STAMBPL1: variants seen among roughly 807,000 people sequenced by gnomAD.
The protein encoded by STAMBPL1 is STAM binding protein like 1, also known as AMSH-like protease.
In STAMBPL1, 44 loss-of-function variants were observed where a neutral mutation model predicts 52.9. The observed-to-expected ratio is 0.83, with a 90% CI of 0.65 to 1.07. STAMBPL1 has a LOEUF of 1.07. Ranked by LOEUF, STAMBPL1 falls within the 50% of genes least tolerant of loss-of-function variation. The pLI is 0.00. For synonymous variants in STAMBPL1, 164 were observed against 177.3 expected (o/e 0.92, Z 0.60); for missense variants, 511 against 520.8 (o/e 0.98, Z 0.18).
chr10:88,894,402 C>T (rs1366726118), intron 1 of STAMBPL1, among the ~76,000 whole-genome samples: 1 of 151,890 alleles, frequency 6.6e-6, no homozygotes. Flanking sequence ...CTATTGAAGG[C>T]GACATAGTAC....
intron 3 of STAMBPL1, 102 bp downstream of exon 3, chr10:88,905,762 C>A: frequency 1.2e-6 from 1 of 867,604 alleles, no homozygotes; most frequent in Non-Finnish European, 1.8e-6. Flanking sequence ...CATATTCAGA[C>A]CAATTGCACA....
At chr10:88,921,617 T>C (rs1845514270) in intron 9 of STAMBPL1, among the ~76,000 whole-genome samples, 1 of 152,206 alleles carries the variant, frequency 6.6e-6, no homozygotes, top group African/African-American at 2.4e-5. Flanking sequence ...AGCGTGACTT[T>C]GAAGTGAATA....
intron 1 of STAMBPL1, chr10:88,893,975 T>TA (rs1386717543): frequency 6.6e-6 from 1 of 152,098 alleles, no homozygotes; most frequent in African/African-American, 2.4e-5. Flanking sequence ...CCTGTGCACT[T>TA]AGAGTCCCTG....
intron 8 of STAMBPL1, among the ~76,000 whole-genome samples, chr10:88,919,771 G>A (rs942033895): frequency 1.3e-5 from 2 of 150,884 alleles, no homozygotes; most frequent in African/African-American, 4.9e-5. Flanking sequence ...TGCAGAACAT[G>A]TACCTTTCTG....
intron 1 of STAMBPL1, among the ~76,000 whole-genome samples, chr10:88,891,632 A>T (rs796430933): frequency 3.3e-5 from 5 of 152,358 alleles, no homozygotes; most frequent in African/African-American, 1.2e-4. Flanking sequence ...CTCCTGATAC[A>T]TCATGGAGGA....
intron 7 of STAMBPL1, among the ~76,000 whole-genome samples, chr10:88,916,127 T>C (rs1262460607): frequency 2.0e-5 from 3 of 152,104 alleles, no homozygotes; most frequent in Non-Finnish European, 4.4e-5. Context: ...TCCAAAACAT[T>C]ATCTTAATTA....
Position 88,905,663 on chromosome 10 carries a change from A to G in STAMBPL1, c.248+3A>G. The G allele has an allele frequency of 6.2e-7, 1 of 1,608,096 alleles. No individual in the cohort carries two copies. Among genetic ancestry groups the G allele is most frequent in the Non-Finnish European group, 8.5e-7 (1 of 1,175,166 alleles). On this transcript the variant is annotated splice_donor_region_variant and intron_variant, in intron 3 of 10. Coordinates refer to ENST00000371926, the MANE Select transcript of STAMBPL1 (RefSeq NM_020799.4). ...GTTCTTTATAATAAATTTATAACGT[A>G]AGTGTTTTAAAGGCCTCTGAAGTGA...
chr10:88,915,410 T>G (rs1845343995), intron 7 of STAMBPL1, among the ~76,000 whole-genome samples: 1 of 152,202 alleles, frequency 6.6e-6, no homozygotes, highest in Non-Finnish European at 1.5e-5. Flanking sequence ...CCTGCTGCAT[T>G]CCAGTGTTTT....
chr10:88,921,396 G>T lies in STAMBPL1; in HGVS notation c.1154+1G>T. 1.2e-6 allele frequency: 2 copies of T among 1,611,094 alleles called. No individual in the cohort carries two copies. Among genetic ancestry groups the T allele is most frequent in the South Asian group, 2.2e-5 (2 of 91,002 alleles). On this transcript the variant is annotated splice_donor_variant, in intron 9 of 10. Coordinates refer to ENST00000371926, the MANE Select transcript of STAMBPL1 (RefSeq NM_020799.4). LOFTEE classifies it high-confidence loss of function. ...TTGTTTGCTCACCAAAGCATAAAGA[G>T]TAAGTGTAACTCTTCAGGGGAGACC...
intron 3 of STAMBPL1, 93 bp from the exon 4 acceptor site, chr10:88,908,609 C>T: frequency 9.6e-7 from 1 of 1,043,382 alleles, no homozygotes; most frequent in Non-Finnish European, 1.4e-6. Context: ...TTAAACATGT[C>T]ATTTTTGAAA....
intron 8 of STAMBPL1, among the ~76,000 whole-genome samples, chr10:88,917,127 C>T (rs932531184): frequency 6.6e-6 from 1 of 152,000 alleles, no homozygotes; most frequent in African/African-American, 2.4e-5. Flanking sequence ...AGAAAGAAAG[C>T]GAGTAACATT....
intron 5 of STAMBPL1, 194 bp from the exon 6 acceptor site, chr10:88,912,907 A>G (rs1845262969): frequency 3.4e-6 from 2 of 579,830 alleles, no homozygotes; most frequent in South Asian, 4.7e-5. Context: ...TGGATTTAGA[A>G]CTGCTATGTT....
intron 9 of STAMBPL1, 142 bp from the exon 10 acceptor site, chr10:88,922,192 TAAA>T: frequency 2.8e-6 from 2 of 721,508 alleles, no homozygotes; most frequent in Non-Finnish European, 4.4e-6. Context: ...GTCATTGGTT[TAAA>T]AAAAAAATCA....
chr10:88,880,615 G>C lies in STAMBPL1; in HGVS notation c.-77G>C, dbSNP rs781665725. ...GCCGTCGCAGTCGCCGTCCCACACG[G>C]GCTGCGGACACCAAGGGTTGCTAGT... On this transcript the variant is annotated 5_prime_UTR_variant, in exon 1 of 11. Transcript: ENST00000371926. 6.6e-6 allele frequency: 1 copy of C among 152,240 alleles called. No homozygotes were observed. Among genetic ancestry groups the C allele is most frequent in the Non-Finnish European group, 1.5e-5 (1 of 68,038 alleles). 9.4% of individuals were successfully genotyped at this position (152,240 alleles called of 1,614,324 possible).
At chr10:88,915,543 G>A (rs1845346778) in intron 7 of STAMBPL1, among the ~76,000 whole-genome samples, 1 of 152,156 alleles carries the variant, frequency 6.6e-6, no homozygotes, top group African/African-American at 2.4e-5. Context: ...CCCCCACATC[G>A]TGTTGTATTC....
intron 9 of STAMBPL1, 68 bp from the exon 10 acceptor site, chr10:88,922,269 C>G: frequency 7.0e-7 from 1 of 1,429,348 alleles, no homozygotes; most frequent in East Asian, 2.3e-5. Context: ...GTGTGCTGTT[C>G]AAATAAAGCA....
intron 8 of STAMBPL1, among the ~76,000 whole-genome samples, chr10:88,918,539 A>G (rs2133212509): frequency 6.6e-6 from 1 of 152,308 alleles, no homozygotes; most frequent in Non-Finnish European, 1.5e-5. Flanking sequence ...TTTGAAAAGT[A>G]TAAACTGCCT....
At position 88,905,612 on chromosome 10, in the gene STAMBPL1, A is replaced by T. The variant is rs1845053922; in HGVS notation, c.200A>T (p.Glu67Val). Residue 67 changes from glutamate to valine, a missense_variant, in exon 3 of 11, where the codon GAA becomes GTA. This residue lies in a region of STAMBPL1 where 358 missense variants were observed against 343.5 expected (regional missense o/e 1.04). Transcript: ENST00000371926. ...EMERMASVYL[E>V]EGNLENAFVL... ...GAGAGGATGGCGTCTGTGTATTTGGAAGAAGGAAATTTGGAAAATGCCTTT... is the reference window on the plus strand; with the variant it reads ...GAGAGGATGGCGTCTGTGTATTTGGTAGAAGGAAATTTGGAAAATGCCTTT... The T allele has an allele frequency of 1.9e-6, 3 of 1,614,116 alleles. No homozygotes were observed. Among genetic ancestry groups the T allele is most frequent in the Non-Finnish European group, 2.5e-6 (3 of 1,179,994 alleles).
rs2075802893 is a variant in STAMBPL1, at chr10:88,880,333, G to A, written c.-359G>A. 1 of 152,316 alleles carries A rather than the reference G, an allele frequency of 6.6e-6. No homozygotes were observed. Among genetic ancestry groups the A allele is most frequent in the African/African-American group, 2.4e-5 (1 of 41,468 alleles). 9.4% of individuals were successfully genotyped at this position (152,316 alleles called of 1,614,324 possible). ...GCCGGCCTGCGCGTGGGCTTGCGAGGACGCTGTTCGTCCCCTGCGCTGGGG... is the reference window on the plus strand; with the variant it reads ...GCCGGCCTGCGCGTGGGCTTGCGAGAACGCTGTTCGTCCCCTGCGCTGGGG... On this transcript the variant is annotated 5_prime_UTR_variant, in exon 1 of 11. Transcript: ENST00000371926.
Sources: gnomAD v4.1 joint callset for allele counts (sites outside exome capture counted in the v4.1 genomes callset) on GRCh38, gnomAD v4.1.1 for gene constraint, gnomAD v4.1.1 regional missense constraint, MANE v1.5 for transcripts, NCBI Gene and HGNC (gene_info 2026-07-23, HGNC 2026-07-21) for gene names.